Variants in PDE1C observed in about 807,000 individuals in gnomAD.
PDE1C encodes dual specificity calcium/calmodulin-dependent 3',5'-cyclic nucleotide phosphodiesterase 1C.
Under a neutral mutation model 93.1 loss-of-function variants are expected in PDE1C, and 62 were observed. That is an observed-to-expected ratio of 0.67 (90% CI 0.54 to 0.82). The LOEUF is 0.82. Among genes scored for constraint, PDE1C ranks in the 40% least tolerant of loss-of-function variants. The pLI, the probability that PDE1C is intolerant of heterozygous loss-of-function variation, is 0.00. For missense variants in PDE1C, 742 were observed against 884.6 expected, an observed-to-expected ratio of 0.84 and a Z score of 2.04; for synonymous variants, 325 against 310.1, an observed-to-expected ratio of 1.05 and a Z score of -0.50.
intron 2 of PDE1C, among the ~76,000 whole-genome samples, chr7:31,920,434 G>T (rs1051271021): frequency 6.6e-6 from 1 of 152,144 alleles, no homozygotes; most frequent in East Asian, 1.9e-4. Flanking sequence ...CTGGGCAGAG[G>T]AGACATATGC....
At chr7:32,365,819 A>T (rs531632777) in intron 1 of PDE1C, among the ~76,000 whole-genome samples, 4 of 152,294 alleles carry the variant, frequency 2.6e-5, no homozygotes. Flanking sequence ...CCACTGAGAC[A>T]CTCAAAAATG....
At chr7:32,354,726 TCA>T (rs1310556115) in intron 1 of PDE1C, among the ~76,000 whole-genome samples, 1 of 150,130 alleles carries the variant, frequency 6.7e-6, no homozygotes, top group Non-Finnish European at 1.5e-5. Flanking sequence ...TCATTGCCAC[TCA>T]TGTGTAATTT....
intron 1 of PDE1C, among the ~76,000 whole-genome samples, chr7:32,053,762 C>G (rs1299532982): frequency 2.6e-5 from 4 of 152,130 alleles, no homozygotes; most frequent in Non-Finnish European, 5.9e-5. Flanking sequence ...AGAAAAGCTT[C>G]ATTTTCAGCA....
At chr7:31,944,315 C>T (rs926144806) in intron 2 of PDE1C, among the ~76,000 whole-genome samples, 2 of 152,154 alleles carry the variant, frequency 1.3e-5, no homozygotes, top group Admixed American at 6.5e-5. Flanking sequence ...GTTGAACACC[C>T]GCAATCCTGA....
chr7:31,982,835 T>C (rs1396391373), intron 2 of PDE1C, among the ~76,000 whole-genome samples: 2 of 152,164 alleles, frequency 1.3e-5, no homozygotes, highest in African/African-American at 2.4e-5. Context: ...TCATAAGATA[T>C]TGTTGAACCC....
At chr7:32,074,042 G>T (rs1404595710), upstream of PDE1C, among the ~76,000 whole-genome samples, 1 of 152,042 alleles carries the variant, frequency 6.6e-6, no homozygotes, top group Non-Finnish European at 1.5e-5. Flanking sequence ...ATACATTCAT[G>T]TATGCATGCA....
At chr7:31,868,536 G>A (rs1428949815) in intron 6 of PDE1C, among the ~76,000 whole-genome samples, 1 of 152,116 alleles carries the variant, frequency 6.6e-6, no homozygotes, top group Non-Finnish European at 1.5e-5. Flanking sequence ...CAAAGCCTAT[G>A]TGGCGAATGG....
chr7:32,129,620 AACTC>A (rs1799812130), intron 3 of PDE1C, among the ~76,000 whole-genome samples: 1 of 152,018 alleles, frequency 6.6e-6, no homozygotes, highest in Non-Finnish European at 1.5e-5. Flanking sequence ...CATGCTAACA[AACTC>A]ACTCTTGTTT....
In PDE1C at chr7:32,160,949, G is replaced by C. The variant is rs140013470; in HGVS notation, c.308+8836C>G. 2.7e-3 allele frequency among the ~76,000 whole-genome samples: 412 copies of C among 152,278 alleles called. 3 individuals carry two copies. Among genetic ancestry groups the C allele is most frequent in the African/African-American group, 9.6e-3 (397 of 41,560 alleles). ...ATTTTAGGCTTCCAAAGTCTGCAATGCATTTTCAACAGCATTACTCTTGCT... is the reference window on the plus strand; with the variant it reads ...ATTTTAGGCTTCCAAAGTCTGCAATCCATTTTCAACAGCATTACTCTTGCT... On this transcript the variant is annotated intron_variant, in intron 3 of 18. Coordinates refer to the PDE1C transcript ENST00000396193.
chr7:31,676,229 C>T, the PDE1C span, among the ~76,000 whole-genome samples: 1 of 152,094 alleles, frequency 6.6e-6, no homozygotes, highest in East Asian at 1.9e-4. Flanking sequence ...AAGATGTACC[C>T]AGCACAGTCC....
At chr7:31,828,049 T>A (rs1284426524) in intron 12 of PDE1C, among the ~76,000 whole-genome samples, 2 of 152,116 alleles carry the variant, frequency 1.3e-5, no homozygotes, top group African/African-American at 4.8e-5. Flanking sequence ...GGGCCCCCTC[T>A]TTCTCTTGAC....
At chr7:32,223,297 G>A (rs532490535) in intron 1 of PDE1C, among the ~76,000 whole-genome samples, 31 of 152,324 alleles carry the variant, frequency 2.0e-4, no homozygotes, top group South Asian at 8.3e-4. Context: ...CTGACAGACC[G>A]TTCCACGTGC....
chr7:31,877,015 C>A (rs1796682644), intron 5 of PDE1C, among the ~76,000 whole-genome samples: 2 of 152,138 alleles, frequency 1.3e-5, no homozygotes, highest in African/African-American at 2.4e-5. Flanking sequence ...CCCCCTAACT[C>A]CATGAATAGG....
At chr7:32,216,303 CT>C (rs772003393) in intron 1 of PDE1C, among the ~76,000 whole-genome samples, 8 of 152,166 alleles carry the variant, frequency 5.3e-5, no homozygotes, top group African/African-American at 1.2e-4. Context: ...CCCCATCCCC[CT>C]ATCCTAGTTT....
At chr7:32,012,977 C>A (rs78732647) in intron 2 of PDE1C, among the ~76,000 whole-genome samples, 4,592 of 152,256 alleles carry the variant, frequency 0.03, 106 homozygotes, top group Middle Eastern at 0.099. Context: ...AGATAATCAA[C>A]TGTAGCTATT....
At chr7:32,403,865 T>C (rs543015398) in intron 1 of PDE1C, among the ~76,000 whole-genome samples, 2 of 152,304 alleles carry the variant, frequency 1.3e-5, no homozygotes, top group African/African-American at 4.8e-5. Context: ...TGACAAAATA[T>C]AGAAGATATC....
chr7:32,415,529 G>A (rs1785256941), intron 1 of PDE1C, among the ~76,000 whole-genome samples: 1 of 152,224 alleles, frequency 6.6e-6, no homozygotes, highest in Admixed American at 6.5e-5. Context: ...AAAAAAAGAG[G>A]ACCTGCCTTA....
intron 2 of PDE1C, among the ~76,000 whole-genome samples, chr7:32,014,598 T>C (rs1027770641): frequency 1.3e-5 from 2 of 152,106 alleles, no homozygotes; most frequent in African/African-American, 2.4e-5. Flanking sequence ...CATTAGGGGC[T>C]CTCCCTCCCC....
intron 2 of PDE1C, among the ~76,000 whole-genome samples, chr7:31,965,016 A>G (rs1809682337): frequency 6.6e-6 from 1 of 152,232 alleles, no homozygotes. Context: ...AAAAAAACAG[A>G]GCAGAAAAAC....
Sources: allele counts gnomAD v4.1 joint callset (sites outside exome capture counted in the v4.1 genomes callset), GRCh38; gene constraint gnomAD v4.1.1; transcripts MANE v1.5; gene names NCBI Gene and HGNC (gene_info 2026-07-23, HGNC 2026-07-21).